The following C8orf34 variants were observed in gnomAD, a reference collection of about 807,000 sequenced individuals.
C8orf34 encodes uncharacterized protein C8orf34.
A neutral mutation model predicts 68.3 loss-of-function variants in C8orf34; 65 were observed. The observed-to-expected ratio is 0.95, with a 90% CI of 0.78 to 1.17. The LOEUF (loss-of-function observed/expected upper bound fraction) is 1.17. C8orf34 is among the 50% of genes most tolerant of loss of function. The pLI is 0.00. For missense variants in C8orf34, 664 were observed against 655.4 expected, an observed-to-expected ratio of 1.01 and a Z score of -0.14; for synonymous variants, 244 against 241.2, an observed-to-expected ratio of 1.01 and a Z score of -0.11.
At chr8:68,547,029 TCCAAATAAGTAG>T (rs1225319155) in intron 7 of C8orf34, among the ~76,000 whole-genome samples, 2 of 151,518 alleles carry the variant, frequency 1.3e-5, no homozygotes, top group East Asian at 3.9e-4. Flanking sequence ...TCAAATTGTA[TCCAAATAAGTAG>T]AAAAAATGAA....
intron 9 of C8orf34, among the ~76,000 whole-genome samples, chr8:68,714,589 G>A (rs967904973): frequency 6.6e-6 from 1 of 151,926 alleles, no homozygotes; most frequent in Non-Finnish European, 1.5e-5. Context: ...ACCTCTACAA[G>A]GAAAACCACA....
intron 12 of C8orf34, among the ~76,000 whole-genome samples, chr8:68,802,349 C>G (rs947070241): frequency 6.6e-6 from 1 of 152,062 alleles, no homozygotes; most frequent in Admixed American, 6.6e-5. Context: ...ATCCACCTGC[C>G]TCGACCTCCC....
intron 10 of C8orf34, among the ~76,000 whole-genome samples, chr8:68,724,903 C>T (rs139380258): frequency 0.011 from 1,650 of 152,164 alleles, 16 homozygotes; most frequent in Non-Finnish European, 0.015. Context: ...CTCTGTTGCC[C>T]AGGCTGAATT....
chr8:68,745,758 A>C (rs1218627180), intron 10 of C8orf34, among the ~76,000 whole-genome samples: 1 of 152,164 alleles, frequency 6.6e-6, no homozygotes. Flanking sequence ...ACCTACAAAG[A>C]GACTTAGACT....
chr8:68,704,339 G>T (rs1286251264), intron 8 of C8orf34, among the ~76,000 whole-genome samples: 1 of 152,086 alleles, frequency 6.6e-6, no homozygotes, highest in African/African-American at 2.4e-5. Flanking sequence ...GTGGGGAGGG[G>T]TAGATATATT....
chr8:68,373,372 A>G (rs1807645159), intron 1 of C8orf34, among the ~76,000 whole-genome samples: 1 of 152,204 alleles, frequency 6.6e-6, no homozygotes, highest in South Asian at 2.1e-4. Flanking sequence ...AAAAGGGAAG[A>G]GATGAAATAA....
chr8:68,358,119 C>G (rs1488604623), intron 1 of C8orf34, among the ~76,000 whole-genome samples: 1 of 152,062 alleles, frequency 6.6e-6, no homozygotes, highest in South Asian at 2.1e-4. Flanking sequence ...TTAAATAAAT[C>G]GTAAAGCAAC....
chr8:68,662,548 C>T (rs1488633030), intron 8 of C8orf34, among the ~76,000 whole-genome samples: 1 of 152,186 alleles, frequency 6.6e-6, no homozygotes, highest in Non-Finnish European at 1.5e-5. Flanking sequence ...CCTGCACAAG[C>T]TCTCTTGCCT....
chr8:68,712,943 T>G (rs558399687), intron 9 of C8orf34, among the ~76,000 whole-genome samples: 10 of 152,164 alleles, frequency 6.6e-5, no homozygotes, highest in African/African-American at 2.2e-4. Flanking sequence ...TATCAGTAAA[T>G]TTAAGAAAAT....
At chr8:68,724,043 A>G (rs1026092663) in intron 10 of C8orf34, among the ~76,000 whole-genome samples, 10 of 152,182 alleles carry the variant, frequency 6.6e-5, no homozygotes, top group African/African-American at 2.2e-4. Context: ...GGAATAAAAC[A>G]ATACATGAAT....
chr8:68,480,112 G>C (rs1812795899), intron 4 of C8orf34, among the ~76,000 whole-genome samples: 1 of 152,168 alleles, frequency 6.6e-6, no homozygotes, highest in Admixed American at 6.5e-5. Flanking sequence ...ATCTCAACTT[G>C]AATTGTATCT....
chr8:68,759,333 T>A (rs1822961021), intron 10 of C8orf34, among the ~76,000 whole-genome samples: 2 of 152,216 alleles, frequency 1.3e-5, no homozygotes, highest in African/African-American at 4.8e-5. Flanking sequence ...AGTTATTCCA[T>A]CCTCATTCAA....
At position 68,818,915 on chromosome 8, in the gene C8orf34, G is replaced by A. The variant is rs1240465342; in HGVS notation, c.*669G>A. The A allele has an allele frequency of 1.3e-5, 2 of 152,108 alleles. No homozygotes were observed. Among genetic ancestry groups the A allele is most frequent in the African/African-American group, 4.8e-5 (2 of 41,428 alleles). The allele number at this position is 152,108 out of a possible 1,614,324, so 9.4% of individuals were successfully genotyped here. Reference sequence around the variant, plus strand: ...TCGTTTGACCATTTATCCAATTATTGAACCCAATTAAGATGATCCATTTTA... The same window carrying A: ...TCGTTTGACCATTTATCCAATTATTAAACCCAATTAAGATGATCCATTTTA... On this transcript the variant is annotated 3_prime_UTR_variant, in exon 14 of 14. Transcript: ENST00000518698.
intron 7 of C8orf34, among the ~76,000 whole-genome samples, chr8:68,590,433 A>C (rs183674143): frequency 3.5e-4 from 54 of 152,306 alleles, no homozygotes; most frequent in African/African-American, 1.3e-3. Flanking sequence ...CTTTAAGCCC[A>C]AAGTACAGAG....
chr8:68,717,050 G>A (rs1357593592), intron 9 of C8orf34, among the ~76,000 whole-genome samples: 1 of 151,798 alleles, frequency 6.6e-6, no homozygotes, highest in Non-Finnish European at 1.5e-5. Context: ...GAAGATTTCC[G>A]TGGTGTGAAT....
chr8:68,817,076 T>C (rs1352742496), intron 13 of C8orf34, among the ~76,000 whole-genome samples: 2 of 152,132 alleles, frequency 1.3e-5, no homozygotes, highest in Non-Finnish European at 2.9e-5. Context: ...TTAAAACCTA[T>C]AATGGATCAG....
chr8:68,385,881 G>A (rs1450834992), intron 1 of C8orf34, among the ~76,000 whole-genome samples: 2 of 152,122 alleles, frequency 1.3e-5, no homozygotes, highest in Admixed American at 1.3e-4. Context: ...CCTAGATGAT[G>A]AAAAATCAGC....
At chr8:68,460,104 G>A (rs577049147) in intron 3 of C8orf34, among the ~76,000 whole-genome samples, 238 of 152,142 alleles carry the variant, frequency 1.6e-3, no homozygotes, top group African/African-American at 5.2e-3. Context: ...GTGCTTTTCC[G>A]ACAAGCTTAA....
chr8:68,716,622 T>C (rs781737528), intron 9 of C8orf34, among the ~76,000 whole-genome samples: 4 of 152,016 alleles, frequency 2.6e-5, no homozygotes, highest in Admixed American at 1.3e-4. Context: ...TTGATTGGCA[T>C]TGATGAAGAA....
Sources: allele counts gnomAD v4.1 joint callset (sites outside exome capture counted in the v4.1 genomes callset), GRCh38; gene constraint gnomAD v4.1.1; transcripts MANE v1.5; gene names NCBI Gene and HGNC (gene_info 2026-07-23, HGNC 2026-07-21).